LOXHD1: variants seen among roughly 807,000 people sequenced by gnomAD.
LOXHD1 encodes the protein lipoxygenase homology domain-containing protein 1.
Under a neutral mutation model 248.2 loss-of-function variants are expected in LOXHD1, and 205 were observed. The observed-to-expected ratio is 0.83, with a 90% confidence interval of 0.74 to 0.93. The LOEUF (loss-of-function observed/expected upper bound fraction) is 0.93. Among genes scored for constraint, LOXHD1 ranks in the 40% least tolerant of loss-of-function variants. LOXHD1 has a pLI of 0.00. For synonymous variants in LOXHD1, 1,113 were observed against 1,162.8 expected (o/e 0.96, Z 0.87); for missense variants, 2,930 against 2,971.6 (o/e 0.99, Z 0.33).
At chr18:46,482,863 C>T (rs1406851655) in intron 40 of LOXHD1, among the ~76,000 whole-genome samples, 1 of 152,228 alleles carries the variant, frequency 6.6e-6, no homozygotes, top group Non-Finnish European at 1.5e-5. Context: ...GCTATGTACT[C>T]AGCTTTCACT....
At chr18:46,632,451 A>T (rs1000927375) in intron 4 of LOXHD1, among the ~76,000 whole-genome samples, 8 of 152,184 alleles carry the variant, frequency 5.3e-5, no homozygotes, top group Admixed American at 3.9e-4. Flanking sequence ...GCTAAGGATG[A>T]TGCTGCACCT....
At chr18:46,523,671 T>C (rs1281779371) in intron 31 of LOXHD1, among the ~76,000 whole-genome samples, 3 of 152,194 alleles carry the variant, frequency 2.0e-5, no homozygotes, top group Non-Finnish European at 4.4e-5. Context: ...TTGAAAAGTT[T>C]CCAAACTGTC....
intron 32 of LOXHD1, 126 bp downstream of exon 32, chr18:46,521,975 C>T (rs1443700025): frequency 9.2e-6 from 7 of 758,612 alleles, no homozygotes; most frequent in Non-Finnish European, 1.4e-5. Context: ...TTCTCTGCTA[C>T]CTGCTCTAAG....
intron 39 of LOXHD1, 98 bp downstream of exon 39, chr18:46,484,921 C>T (rs1023692760): frequency 2.6e-5 from 37 of 1,428,730 alleles, no homozygotes; most frequent in South Asian, 1.1e-4. Flanking sequence ...TGGTTAGGCC[C>T]ATTTGTGTAC....
chr18:46,547,168 T>G (rs2036885885), intron 21 of LOXHD1, 110 bp from the exon 22 acceptor site: 1 of 1,229,700 alleles, frequency 8.1e-7, no homozygotes, highest in South Asian at 1.4e-5. Context: ...AACTCTCCCC[T>G]GTCTGCCCCT....
At chr18:46,518,336 A>G (rs1034891296) in intron 33 of LOXHD1, 80 bp from the exon 34 acceptor site, 259 of 1,482,508 alleles carry the variant, frequency 1.7e-4, no homozygotes, top group Non-Finnish European at 2.3e-4. Context: ...TCACCAGAGA[A>G]AGAGACACAC....
intron 22 of LOXHD1, among the ~76,000 whole-genome samples, chr18:46,546,437 GCATTCCATTCCATTTCAATA>G (rs1265019290): frequency 2.3e-5 from 3 of 130,846 alleles, no homozygotes; most frequent in Non-Finnish European, 3.3e-5. Flanking sequence ...CTACTTCAAT[GCATTCCATTCCATTTCAATA>G]CATTCCATTC....
chr18:46,492,133 A>C (rs1163041477), intron 37 of LOXHD1, among the ~76,000 whole-genome samples: 4 of 152,304 alleles, frequency 2.6e-5, no homozygotes, highest in Non-Finnish European at 4.4e-5. Flanking sequence ...GGCTGATGTC[A>C]TGTGTCTGGA....
intron 23 of LOXHD1, among the ~76,000 whole-genome samples, chr18:46,544,190 C>A (rs760253267): frequency 2.6e-5 from 4 of 152,202 alleles, no homozygotes; most frequent in African/African-American, 4.8e-5. Context: ...GATAGACAGA[C>A]CTTGGTCCAG....
chr18:46,534,344 C>T lies in LOXHD1; in HGVS notation c.4203G>A (p.Pro1401=), dbSNP rs758206438. 40 of 1,550,890 alleles carry T rather than the reference C, an allele frequency of 2.6e-5. No individual in the cohort carries two copies. Among genetic ancestry groups the T allele is most frequent in the Non-Finnish European group, 3.2e-5 (37 of 1,146,478 alleles). The stretch of plus-strand genomic sequence containing the variant: ...CCAGTCAACAACTCACGTCTTTATC[C>T]GGGAGGAGCCTGCGGATGTCCACGT... ...CSHVDIRRLL[P]DKDGAETLTF... is the part of the protein sequence containing the mutation. Residue 1401 remains proline, a synonymous_variant, in exon 27 of 41, where the codon CCG becomes CCA. Coordinates refer to ENST00000642948, the MANE Select transcript of LOXHD1 (RefSeq NM_001384474.1).
rs370616818 is a variant in LOXHD1 at position 46,560,120 on chromosome 18, G to T, written c.3024C>A (p.Val1008=). 1.6e-6 allele frequency: 2 copies of T among 1,270,194 alleles called. No individual in the cohort carries two copies. Among genetic ancestry groups the T allele is most frequent in the Non-Finnish European group, 1.0e-6 (1 of 978,948 alleles). 78.7% of individuals were successfully genotyped at this position (1,270,194 alleles called of 1,614,324 possible). The part of the protein sequence containing the change: ...LARGKEDNEL[V]VELVPAGKPG... The stretch of plus-strand genomic sequence containing the variant: ...GCTTGCCAGCTGGCACCAACTCCAC[G>T]ACAAGTTCGTTGTCCTCCTTGCCCC... The change falls in exon 19 of 41, where the codon GTC becomes GTA. Residue 1008 remains valine, a synonymous_variant. Coordinates refer to ENST00000642948, the MANE Select transcript of LOXHD1 (RefSeq NM_001384474.1).
intron 12 of LOXHD1, among the ~76,000 whole-genome samples, chr18:46,580,881 A>C (rs2037948673): frequency 1.3e-5 from 2 of 152,202 alleles, no homozygotes; most frequent in Admixed American, 1.3e-4. Context: ...TGTATGTTCC[A>C]GGAGCAGAGA....
At chr18:46,617,305 A>C (rs1283053815) in intron 5 of LOXHD1, among the ~76,000 whole-genome samples, 4 of 152,134 alleles carry the variant, frequency 2.6e-5, no homozygotes, top group African/African-American at 7.2e-5. Context: ...TTCACTGAAG[A>C]TGCTCCTCTG....
At chr18:46,560,048 T>TGCCGCCC in intron 19 of LOXHD1, 35 bp downstream of exon 19, 1 of 1,226,298 alleles carries the variant, frequency 8.2e-7, no homozygotes, top group African/African-American at 1.6e-5. Flanking sequence ...GTCTGGCCAC[T>TGCCGCCC]CCCTCCCCAC....
rs1871287025 is a variant in LOXHD1 at position 46,483,688 on chromosome 18, G to A, written c.6240C>T (p.Leu2080=). The change falls in exon 40 of 41, where the codon CTC becomes CTT. Residue 2080 remains leucine (L), a synonymous_variant. Transcript: ENST00000642948. ...DSIYLGDIAS[L]CVGHLAREDR... is the part of the protein sequence containing the mutation. Reference sequence around the variant, plus strand: ...CTTCCCTGGCAAGGTGGCCCACACAGAGGGAGGCAATGTCCCCCAAGTAGA... The same window carrying A: ...CTTCCCTGGCAAGGTGGCCCACACAAAGGGAGGCAATGTCCCCCAAGTAGA... The A allele has an allele frequency of 3.9e-6, 6 of 1,551,804 alleles. No homozygotes were observed. Among genetic ancestry groups the A allele is most frequent in the Non-Finnish European group, 1.7e-6 (2 of 1,147,022 alleles).
At chr18:46,605,884 G>A (rs2038405592) in intron 6 of LOXHD1, among the ~76,000 whole-genome samples, 1 of 152,166 alleles carries the variant, frequency 6.6e-6, no homozygotes, top group African/African-American at 2.4e-5. Flanking sequence ...CACCTCATTT[G>A]AGGTTGGGTA....
At chr18:46,634,587 C>T (rs934571381) in intron 4 of LOXHD1, among the ~76,000 whole-genome samples, 2 of 152,176 alleles carry the variant, frequency 1.3e-5, no homozygotes, top group African/African-American at 2.4e-5. Flanking sequence ...AAATGAATTT[C>T]ATGGATAGAC....
intron 5 of LOXHD1, among the ~76,000 whole-genome samples, chr18:46,612,321 A>T (rs1187626228): frequency 6.6e-6 from 1 of 152,162 alleles, no homozygotes; most frequent in Non-Finnish European, 1.5e-5. Context: ...ACCTCCAAAA[A>T]TGGTTGTATT....
At chr18:46,525,638 G>T (rs566629329) in intron 29 of LOXHD1, among the ~76,000 whole-genome samples, 2 of 152,284 alleles carry the variant, frequency 1.3e-5, no homozygotes, top group South Asian at 4.1e-4. Flanking sequence ...GTGAGGTGTG[G>T]ATCCTAGGCT....
Sources: allele counts gnomAD v4.1 joint callset (sites outside exome capture counted in the v4.1 genomes callset), GRCh38; gene constraint gnomAD v4.1.1; transcripts MANE v1.5; gene names NCBI Gene and HGNC (gene_info 2026-07-23, HGNC 2026-07-21).